Variants in DCLK1 observed in about 807,000 individuals in gnomAD.
DCLK1 encodes doublecortin like kinase 1.
In DCLK1, 16 loss-of-function variants were observed where a neutral mutation model predicts 86.2. The observed-to-expected ratio is 0.19, with a 90% CI of 0.13 to 0.28. DCLK1 has a LOEUF of 0.28. Ranked by LOEUF, DCLK1 falls within the 10% of genes least tolerant of loss-of-function variation. The pLI is 1.00. For missense variants in DCLK1, 590 were observed against 940.2 expected (o/e 0.63, Z 4.87); for synonymous variants, 369 against 370.5 (o/e 1.00, Z 0.05).
At chr13:35,980,859 T>C (rs781542075) in intron 3 of DCLK1, among the ~76,000 whole-genome samples, 33 of 152,114 alleles carry the variant, frequency 2.2e-4, no homozygotes, top group Non-Finnish European at 3.7e-4. Flanking sequence ...GGTCTTGCCA[T>C]GTTACCCAGA....
intron 16 of DCLK1, among the ~76,000 whole-genome samples, chr13:35,793,116 A>G (rs2086736648): frequency 6.6e-6 from 1 of 152,200 alleles, no homozygotes; most frequent in Admixed American, 6.6e-5. Context: ...TTAAATAAAT[A>G]AATCATAAAA....
intron 3 of DCLK1, among the ~76,000 whole-genome samples, chr13:35,992,258 T>A (rs1880267564): frequency 6.6e-6 from 1 of 152,094 alleles, no homozygotes; most frequent in Admixed American, 6.5e-5. Flanking sequence ...AGACAAATGA[T>A]CCCCTCGGAT....
intron 3 of DCLK1, among the ~76,000 whole-genome samples, chr13:35,959,841 C>G (rs1878355576): frequency 6.9e-6 from 1 of 144,794 alleles, no homozygotes; most frequent in Non-Finnish European, 1.5e-5. Flanking sequence ...ATGAAAAAAC[C>G]AATACAGCAA....
chr13:36,023,370 G>A (rs555120800), intron 3 of DCLK1, among the ~76,000 whole-genome samples: 11 of 152,178 alleles, frequency 7.2e-5, no homozygotes, highest in Non-Finnish European at 1.5e-4. Flanking sequence ...TGATGGTGCA[G>A]TTCCAGTCCA....
chr13:35,807,912 C>T (rs896996867), intron 14 of DCLK1, among the ~76,000 whole-genome samples: 1 of 152,138 alleles, frequency 6.6e-6, no homozygotes, highest in Non-Finnish European at 1.5e-5. Context: ...AAACCACAGG[C>T]CATATAGAAA....
chr13:36,030,180 C>G (rs117642342), intron 3 of DCLK1, among the ~76,000 whole-genome samples: 2,383 of 152,326 alleles, frequency 0.016, 36 homozygotes, highest in Middle Eastern at 0.048. Flanking sequence ...TATTGAGTAT[C>G]TAATTCAGAC....
intron 3 of DCLK1, among the ~76,000 whole-genome samples, chr13:36,024,084 CG>C (rs1881924605): frequency 6.6e-6 from 1 of 151,352 alleles, no homozygotes; most frequent in African/African-American, 2.4e-5. Flanking sequence ...TTAGTAGAGG[CG>C]GGGTTTCACC....
At chr13:35,969,670 G>C (rs945927963) in intron 3 of DCLK1, among the ~76,000 whole-genome samples, 1 of 152,184 alleles carries the variant, frequency 6.6e-6, no homozygotes, top group Non-Finnish European at 1.5e-5. Context: ...CTTTCCCTAA[G>C]AAACGCTGGC....
chr13:35,778,105 C>T (rs1361326417), intron 16 of DCLK1, among the ~76,000 whole-genome samples: 2 of 152,206 alleles, frequency 1.3e-5, no homozygotes, highest in African/African-American at 4.8e-5. Context: ...GTTTCTCTCT[C>T]TTCAAAAACT....
intron 5 of DCLK1, among the ~76,000 whole-genome samples, chr13:35,867,185 G>C (rs769424662): frequency 1.3e-5 from 2 of 152,192 alleles, no homozygotes; most frequent in Non-Finnish European, 2.9e-5. Context: ...TCAGAATCAA[G>C]AGATAGTCAG....
intron 6 of DCLK1, among the ~76,000 whole-genome samples, chr13:35,844,869 A>G (rs1196064659): frequency 3.9e-5 from 6 of 152,252 alleles, no homozygotes; most frequent in Non-Finnish European, 2.9e-5. Flanking sequence ...AATTAAAGTT[A>G]ATGTAATTCG....
intron 7 of DCLK1, among the ~76,000 whole-genome samples, chr13:35,836,692 C>T (rs542398534): frequency 6.6e-6 from 1 of 152,304 alleles, no homozygotes; most frequent in South Asian, 2.1e-4. Flanking sequence ...AGACTTTAGA[C>T]AAATGTTCTC....
In DCLK1 at chr13:36,131,373, GGGC is replaced by G. The variant is rs965603869; in HGVS notation, c.-282_-280del. 3.5e-3 allele frequency: 667 copies of G among 192,860 alleles called. No homozygotes were observed. Among genetic ancestry groups the G allele is most frequent in the South Asian group, 9.8e-3 (110 of 11,238 alleles). The allele number at this position is 192,860 out of a possible 1,614,324, so 11.9% of individuals were successfully genotyped here. On this transcript the variant is annotated 5_prime_UTR_variant, in exon 1 of 17. Transcript: ENST00000360631. Reference sequence around the variant, plus strand: ...CACTCCAGCCTCTCTCTCCAGAGGAGGGCGGCGGCGGCGGCGGCGGCGGGCGCG... The same window carrying G: ...CACTCCAGCCTCTCTCTCCAGAGGAGGGCGGCGGCGGCGGCGGCGGGCGCG...
intron 3 of DCLK1, among the ~76,000 whole-genome samples, chr13:36,050,583 A>T (rs1222326930): frequency 1.3e-5 from 2 of 152,182 alleles, no homozygotes; most frequent in Non-Finnish European, 1.5e-5. Context: ...CTACCCATTC[A>T]GGCAGTTGTG....
intron 3 of DCLK1, among the ~76,000 whole-genome samples, chr13:36,006,320 GAC>G (rs1880955351): frequency 6.6e-6 from 1 of 152,172 alleles, no homozygotes; most frequent in Non-Finnish European, 1.5e-5. Context: ...CGGGCAGACA[GAC>G]ACACAGTTTA....
chr13:35,796,909 G>A (rs1381210826), intron 15 of DCLK1, among the ~76,000 whole-genome samples: 3 of 152,326 alleles, frequency 2.0e-5, no homozygotes, highest in South Asian at 2.1e-4. Context: ...ATTTGGACAC[G>A]ACTTAATGGA....
rs190559330 is a variant in DCLK1, at chr13:36,044,023, G to A, written c.723+67846C>T. On this transcript the variant is annotated intron_variant, in intron 3 of 16. Coordinates refer to ENST00000360631, the MANE Select transcript of DCLK1 (RefSeq NM_001330071.2). ...CATGTTGGAGAGGGGCCTAGTGGGC[G>A]GTGTTTGGGTGATAGGGGCAGATCC... is the stretch of plus-strand genomic sequence containing the variant. Among the ~76,000 whole-genome samples, 44 of 152,268 alleles carry A rather than the reference G, an allele frequency of 2.9e-4. No homozygotes were observed. In the South Asian group the frequency reaches 3.5e-3, roughly 12 times the overall value.
At chr13:35,807,376 G>T (rs1329769709) in intron 14 of DCLK1, among the ~76,000 whole-genome samples, 5 of 152,146 alleles carry the variant, frequency 3.3e-5, no homozygotes, top group African/African-American at 1.2e-4. Flanking sequence ...AATGAACCTT[G>T]TGTTTTCCTC....
chr13:35,905,411 C>CCTGG (rs1411311575), intron 4 of DCLK1, among the ~76,000 whole-genome samples: 1 of 152,078 alleles, frequency 6.6e-6, no homozygotes, highest in Non-Finnish European at 1.5e-5. Flanking sequence ...AGAGAAGATC[C>CCTGG]CACCCTATCC....
Sources: allele counts gnomAD v4.1 joint callset (sites outside exome capture counted in the v4.1 genomes callset), GRCh38; gene constraint gnomAD v4.1.1; transcripts MANE v1.5; gene names NCBI Gene and HGNC (gene_info 2026-07-23, HGNC 2026-07-21).